Variants in APLF observed in about 807,000 individuals in gnomAD.
APLF encodes the protein aprataxin and PNKP like factor.
APLF carries 61 observed loss-of-function variants against 55.6 expected under a neutral mutation model. That is an observed-to-expected ratio of 1.10 (90% CI 0.89 to 1.36). APLF has a LOEUF of 1.36. Among genes scored for constraint, APLF ranks in the 40% most tolerant of loss-of-function variants. The probability of loss-of-function intolerance (pLI) is 0.00; values close to 1 mark genes in which losing one functional copy is unlikely to be tolerated. For synonymous variants in APLF, 207 were observed against 214.8 expected, an observed-to-expected ratio of 0.96 and a Z score of 0.32; for missense variants, 611 against 602.5, an observed-to-expected ratio of 1.01 and a Z score of -0.15.
intron 1 of APLF, among the ~76,000 whole-genome samples, chr2:68,483,577 T>A (rs957178560): frequency 1.3e-5 from 2 of 152,160 alleles, no homozygotes; most frequent in Non-Finnish European, 2.9e-5. Context: ...TAGTCAGCCA[T>A]CTTTCTGATT....
intron 8 of APLF, among the ~76,000 whole-genome samples, chr2:68,557,887 G>A (rs1363065493): frequency 6.6e-6 from 1 of 151,504 alleles, no homozygotes; most frequent in Admixed American, 6.6e-5. Context: ...CTCCAGCCTG[G>A]GCGATAGAAT....
chr2:68,493,845 A>C (rs1459835743), intron 2 of APLF, among the ~76,000 whole-genome samples: 1 of 151,618 alleles, frequency 6.6e-6, no homozygotes, highest in Non-Finnish European at 1.5e-5. Flanking sequence ...GCGGTGGCTC[A>C]CGCCTGTAAT....
At chr2:68,480,302 CT>C (rs539696340) in intron 1 of APLF, among the ~76,000 whole-genome samples, 391 of 140,718 alleles carry the variant, frequency 2.8e-3, no homozygotes, top group South Asian at 0.016. Context: ...TTTCTTTTTC[CT>C]TTTTTTTTTT....
At chr2:68,523,719 TAATA>T (rs1269965839) in intron 5 of APLF, among the ~76,000 whole-genome samples, 1 of 151,928 alleles carries the variant, frequency 6.6e-6, no homozygotes, top group Non-Finnish European at 1.5e-5. Flanking sequence ...TGTTTTGTAT[TAATA>T]GTTAATTTCT....
intron 5 of APLF, among the ~76,000 whole-genome samples, chr2:68,521,919 T>A (rs1669908927): frequency 6.6e-6 from 1 of 152,024 alleles, no homozygotes; most frequent in African/African-American, 2.4e-5. Context: ...CTTACATTTA[T>A]GTAAAGTGCT....
intron 3 of APLF, among the ~76,000 whole-genome samples, chr2:68,505,784 G>T (rs1676858222): frequency 6.6e-6 from 1 of 151,976 alleles, no homozygotes; most frequent in Non-Finnish European, 1.5e-5. Flanking sequence ...CACCAACCTG[G>T]AAGTCCTCTG....
At chr2:68,502,649 A>G (rs1035650040) in intron 2 of APLF, 82 bp from the exon 3 acceptor site, 22 of 909,984 alleles carry the variant, frequency 2.4e-5, no homozygotes, top group African/African-American at 7.0e-5. Context: ...ATTTAATTGT[A>G]TTTTTGTTGT....
Position 68,578,737 on chromosome 2 carries a change from G to T in APLF, c.*715G>T. On this transcript the variant is annotated 3_prime_UTR_variant, in exon 10 of 10. Transcript: ENST00000303795. ...TTTTTTTCAAACTAAAGTCCTAGCT[G>T]ATTATTTTAACTCTCAGTGTGCTGT... 1 of 985,080 alleles carries T rather than the reference G, an allele frequency of 1.0e-6. No homozygotes were observed. Among genetic ancestry groups the T allele is most frequent in the African/African-American group, 1.7e-5 (1 of 57,266 alleles). 61.0% of individuals were successfully genotyped at this position (985,080 alleles called of 1,614,324 possible). A position where few individuals can be genotyped will look rare whatever the true frequency, so the allele number is the denominator to read the frequency against.
intron 9 of APLF, among the ~76,000 whole-genome samples, chr2:68,570,931 G>T (rs539058788): frequency 6.6e-6 from 1 of 152,198 alleles, no homozygotes; most frequent in East Asian, 1.9e-4. Flanking sequence ...AAGTGTTCTT[G>T]TTTCTCCATA....
intron 6 of APLF, among the ~76,000 whole-genome samples, chr2:68,534,210 C>G (rs1670330425): frequency 6.6e-6 from 1 of 152,160 alleles, no homozygotes; most frequent in South Asian, 2.1e-4. Flanking sequence ...GCAGAGAACT[C>G]AGAGGCAGAA....
chr2:68,513,032 A>C, intron 3 of APLF, 48 bp from the exon 4 acceptor site: 1 of 1,524,576 alleles, frequency 6.6e-7, no homozygotes, highest in Non-Finnish European at 9.0e-7. Flanking sequence ...AGGCAGCAGA[A>C]GTGTGTTAAA....
At chr2:68,470,799 C>T (rs1675594184) in intron 1 of APLF, among the ~76,000 whole-genome samples, 1 of 152,098 alleles carries the variant, frequency 6.6e-6, no homozygotes, top group South Asian at 2.1e-4. Context: ...AAATTGACTG[C>T]TTTGATTAAA....
At chr2:68,481,616 T>C (rs1675959706) in intron 1 of APLF, among the ~76,000 whole-genome samples, 2 of 152,318 alleles carry the variant, frequency 1.3e-5, no homozygotes, top group South Asian at 4.1e-4. Context: ...TTTGAGAACT[T>C]TTGCGCTTCC....
rs1421200787 is a variant in APLF at position 68,498,133 on chromosome 2, G to A, written c.169-4598G>A. Reference sequence around the variant, plus strand: ...TTGAAAATCAGAATGAGATGGACAAGTGACTTCTAGTTCATTCATTTTATC... The same window carrying A: ...TTGAAAATCAGAATGAGATGGACAAATGACTTCTAGTTCATTCATTTTATC... On this transcript the variant is annotated intron_variant, in intron 2 of 9. Transcript: ENST00000303795. 2.6e-5 allele frequency among the ~76,000 whole-genome samples: 4 copies of A among 152,264 alleles called. No individual in the cohort carries two copies. The East Asian group carries it at 5.8e-4, about 22-fold the overall frequency.
At chr2:68,477,004 G>A (rs527941034) in intron 1 of APLF, among the ~76,000 whole-genome samples, 90 of 152,190 alleles carry the variant, frequency 5.9e-4, no homozygotes, top group Middle Eastern at 6.8e-3. Context: ...AAAAAGATAT[G>A]TCATGAATAA....
intron 9 of APLF, among the ~76,000 whole-genome samples, chr2:68,577,538 A>G (rs1671656894): frequency 6.6e-6 from 1 of 152,208 alleles, no homozygotes; most frequent in Admixed American, 6.5e-5. Context: ...AATACATTCT[A>G]CCACATGGGA....
chr2:68,477,895 C>T lies in APLF; in HGVS notation c.96+10068C>T, dbSNP rs936354905. ...CCTGAGAACAGTATGGGAGAAACCA[C>T]CCCATGATTCAGTTATCTCCACCTA... is the stretch of plus-strand genomic sequence containing the variant. On this transcript the variant is annotated intron_variant, in intron 1 of 9. Coordinates refer to ENST00000303795, the MANE Select transcript of APLF (RefSeq NM_173545.3). Among the ~76,000 whole-genome samples, 16 of 152,118 alleles carry T rather than the reference C, an allele frequency of 1.1e-4. No homozygotes were observed. In the East Asian group the frequency reaches 2.5e-3, roughly 24 times the overall value.
At chr2:68,495,405 A>C (rs905190246) in intron 2 of APLF, among the ~76,000 whole-genome samples, 4 of 152,218 alleles carry the variant, frequency 2.6e-5, no homozygotes, top group African/African-American at 9.6e-5. Context: ...GGCAGTCAGT[A>C]AGTCTCAAAG....
rs1669478651 is a variant in APLF, at chr2:68,513,590, A to G, written c.532A>G (p.Ile178Val). The change falls in exon 5 of 10, where the codon ATC becomes GTC. Residue 178 changes from isoleucine (I) to valine (V), a missense_variant. Ile to Val is a conservative substitution (Grantham distance 29). Transcript: ENST00000303795. ...TAGAGACTGCAATAAGCAGCAGCCA[A>G]TCCTTGCCGAGAGGAAAAGAATCCT... is the stretch of plus-strand genomic sequence containing the variant. ...ENRDCNKQQP[I>V]LAERKRILPT... 1.2e-6 allele frequency: 2 copies of G among 1,611,588 alleles called. No individual in the cohort carries two copies. Among genetic ancestry groups the G allele is most frequent in the Non-Finnish European group, 1.7e-6 (2 of 1,178,318 alleles).
Sources: allele counts gnomAD v4.1 joint callset (sites outside exome capture counted in the v4.1 genomes callset), GRCh38; gene constraint gnomAD v4.1.1; transcripts MANE v1.5; gene names NCBI Gene and HGNC (gene_info 2026-07-23, HGNC 2026-07-21).